The following STAG1 variants were observed in gnomAD, a reference collection of about 807,000 sequenced individuals.
The protein encoded by STAG1 is cohesin subunit SA-1.
STAG1 carries 26 observed loss-of-function variants against 170.9 expected under a neutral mutation model. The ratio of observed to expected loss-of-function variants is 0.15; its 90% CI spans 0.11 to 0.21. The LOEUF is 0.21. Among genes scored for constraint, STAG1 ranks in the 10% least tolerant of loss-of-function variants. The pLI, the probability that STAG1 is intolerant of heterozygous loss-of-function variation, is 1.00. For missense variants in STAG1, 964 were observed against 1,509.5 expected, an observed-to-expected ratio of 0.64 and a Z score of 5.99; for synonymous variants, 514 against 497.7, an observed-to-expected ratio of 1.03 and a Z score of -0.44.
intron 15 of STAG1, among the ~76,000 whole-genome samples, chr3:136,434,731 G>A (rs2088405146): frequency 1.3e-5 from 2 of 152,032 alleles, no homozygotes; most frequent in Admixed American, 6.6e-5. Flanking sequence ...AGATCTCTCT[G>A]TCCTGCAGAT....
At chr3:136,450,180 A>C (rs1413961699) in intron 14 of STAG1, among the ~76,000 whole-genome samples, 1 of 152,200 alleles carries the variant, frequency 6.6e-6, no homozygotes, top group African/African-American at 2.4e-5. Flanking sequence ...TCTGTAATAC[A>C]TGCACCCTTG....
At position 136,473,571 on chromosome 3, in the gene STAG1, G is replaced by A; in HGVS notation, c.1093C>T (p.Pro365Ser). ...QSLYTNRELFPKLELFTNRFK... is the reference protein window; with the variant it reads ...QSLYTNRELFSKLELFTNRFK... ...CGGTTAGTGAATAGTTCCAATTTGG[G>A]GAATAATTCTCTATTGGTATATAGA... is the stretch of plus-strand genomic sequence containing the variant. The change falls in exon 11 of 34, where the codon CCC becomes TCC. Residue 365 changes from proline to serine, a missense_variant. Pro to Ser is a moderately conservative substitution (Grantham distance 74). Coordinates refer to ENST00000383202, the MANE Select transcript of STAG1 (RefSeq NM_005862.3). 6.2e-7 allele frequency: 1 copy of A among 1,611,610 alleles called. No individual in the cohort carries two copies. The highest frequency in any genetic ancestry group is 8.5e-7 in the Non-Finnish European group (1 of 1,178,806).
chr3:136,632,195 G>C (rs992249800), intron 1 of STAG1, among the ~76,000 whole-genome samples: 4 of 152,184 alleles, frequency 2.6e-5, no homozygotes, highest in East Asian at 1.9e-4. Context: ...GTCATACCAT[G>C]GGAAATCGAT....
At chr3:136,551,206 A>AGG (rs1269388476) in intron 5 of STAG1, among the ~76,000 whole-genome samples, 2 of 45,074 alleles carry the variant, frequency 4.4e-5, no homozygotes, top group African/African-American at 2.3e-4. Flanking sequence ...GTTGAGAGAG[A>AGG]GTGAGAGAGA....
At chr3:136,611,532 G>A (rs771657037) in intron 3 of STAG1, among the ~76,000 whole-genome samples, 4 of 151,254 alleles carry the variant, frequency 2.6e-5, no homozygotes, top group African/African-American at 9.7e-5. Context: ...GTCTTACTCT[G>A]TCACCCAGGC....
At chr3:136,559,249 CAT>C (rs1252693295) in intron 5 of STAG1, among the ~76,000 whole-genome samples, 8 of 151,836 alleles carry the variant, frequency 5.3e-5, no homozygotes, top group Non-Finnish European at 7.4e-5. Flanking sequence ...ATAATAAAGC[CAT>C]ATAAGCACTT....
rs1304731469 is a variant in STAG1, at chr3:136,343,860, G to A, written c.3418C>T (p.His1140Tyr). Residue 1140 changes from histidine (H) to tyrosine (Y), a missense_variant, in exon 30 of 34, where the codon CAT becomes TAT. By Grantham distance (83) the His-to-Tyr change is moderately conservative. Around this residue, in one of 11 missense-constraint regions of STAG1, gnomAD observed 122 missense variants for 129.0 expected, o/e 0.95. Coordinates refer to ENST00000383202, the MANE Select transcript of STAG1 (RefSeq NM_005862.3). The stretch of plus-strand genomic sequence containing the variant: ...TGTAAAAAGTCTGGTTCAGAACCAT[G>A]TTCAGACTCAGGTTCTTGAATCTGG... ...GDQIQEPESE[H>Y]GSEPDFLHNP... is the part of the protein sequence containing the mutation. 1.3e-6 allele frequency: 2 copies of A among 1,596,082 alleles called. No individual in the cohort carries two copies. Among genetic ancestry groups the A allele is most frequent in the African/African-American group, 1.3e-5 (1 of 74,096 alleles).
intron 1 of STAG1, among the ~76,000 whole-genome samples, chr3:136,662,698 G>GC (rs1313355642): frequency 6.6e-6 from 1 of 152,104 alleles, no homozygotes; most frequent in African/African-American, 2.4e-5. Flanking sequence ...CCCTGCCTCA[G>GC]CCCCCCAAAG....
chr3:136,594,670 C>T (rs1938336819), intron 4 of STAG1, among the ~76,000 whole-genome samples: 1 of 152,160 alleles, frequency 6.6e-6, no homozygotes, highest in Non-Finnish European at 1.5e-5. Context: ...TCTTCCAAGA[C>T]TAGAAAGTCC....
intron 26 of STAG1, among the ~76,000 whole-genome samples, chr3:136,362,662 T>C (rs1310275153): frequency 6.7e-6 from 1 of 149,502 alleles, no homozygotes; most frequent in Non-Finnish European, 1.5e-5. Flanking sequence ...ATACGGATCA[T>C]CAATTATGAA....
At chr3:136,644,584 G>A (rs1048213859) in intron 1 of STAG1, among the ~76,000 whole-genome samples, 12 of 152,186 alleles carry the variant, frequency 7.9e-5, no homozygotes, top group African/African-American at 2.9e-4. Flanking sequence ...GATTATTGAT[G>A]TAGGTTAGTA....
intron 1 of STAG1, among the ~76,000 whole-genome samples, chr3:136,697,430 A>G (rs947307750): frequency 6.6e-6 from 1 of 152,152 alleles, no homozygotes; most frequent in Admixed American, 6.6e-5. Context: ...TGATTCTAAA[A>G]CAGTTTAAGA....
At chr3:136,550,680 T>A (rs1936345596) in intron 5 of STAG1, among the ~76,000 whole-genome samples, 1 of 152,166 alleles carries the variant, frequency 6.6e-6, no homozygotes, top group Non-Finnish European at 1.5e-5. Context: ...TTATTCTAGA[T>A]TATCCAATTT....
chr3:136,412,452 T>C (rs2087650243), intron 21 of STAG1, among the ~76,000 whole-genome samples: 1 of 152,208 alleles, frequency 6.6e-6, no homozygotes, highest in Non-Finnish European at 1.5e-5. Flanking sequence ...TTTTAAAGAA[T>C]ACGTCTACAG....
intron 14 of STAG1, among the ~76,000 whole-genome samples, chr3:136,449,598 A>G (rs1478636608): frequency 1.3e-5 from 2 of 152,090 alleles, no homozygotes; most frequent in African/African-American, 2.4e-5. Context: ...AATGTAATAC[A>G]GCTGGCAAAT....
chr3:136,425,667 A>G (rs1269238579), intron 16 of STAG1, among the ~76,000 whole-genome samples: 1 of 151,246 alleles, frequency 6.6e-6, no homozygotes, highest in Non-Finnish European at 1.5e-5. Flanking sequence ...ATATGAATGT[A>G]TGATTTAAAT....
intron 26 of STAG1, among the ~76,000 whole-genome samples, chr3:136,359,531 A>AAT (rs1297008552): frequency 1.3e-5 from 2 of 152,180 alleles, no homozygotes; most frequent in Non-Finnish European, 2.9e-5. Flanking sequence ...TAATAATAAT[A>AAT]AAAAAACACA....
intron 4 of STAG1, among the ~76,000 whole-genome samples, chr3:136,583,339 C>CA (rs897479736): frequency 6.6e-5 from 10 of 151,718 alleles, no homozygotes; most frequent in East Asian, 3.9e-4. Context: ...TCTATAAATA[C>CA]AAAAAAAATT....
intron 25 of STAG1, among the ~76,000 whole-genome samples, chr3:136,365,048 G>C (rs373400027): frequency 6.6e-6 from 1 of 152,148 alleles, no homozygotes; most frequent in East Asian, 1.9e-4. Context: ...CCATATATCA[G>C]AAGAGCAAAT....
Sources: allele counts gnomAD v4.1 joint callset (sites outside exome capture counted in the v4.1 genomes callset), GRCh38; gene constraint gnomAD v4.1.1; regional missense constraint gnomAD v4.1.1; transcripts MANE v1.5; gene names NCBI Gene and HGNC (gene_info 2026-07-23, HGNC 2026-07-21).